Variants in KMT2C observed in about 807,000 individuals in gnomAD.
KMT2C encodes lysine methyltransferase 2C.
In KMT2C, 88 loss-of-function variants were observed where a neutral mutation model predicts 507.9. The observed-to-expected ratio is 0.17, with a 90% CI of 0.15 to 0.21. KMT2C has a LOEUF of 0.21. Among genes scored for constraint, KMT2C ranks in the 10% least tolerant of loss-of-function variants. The probability of loss-of-function intolerance (pLI) is 1.00; values close to 1 mark genes in which losing one functional copy is unlikely to be tolerated. For synonymous variants in KMT2C, 2,049 were observed against 2,080.8 expected, an observed-to-expected ratio of 0.98 and a Z score of 0.42; for missense variants, 4,954 against 5,957.8, an observed-to-expected ratio of 0.83 and a Z score of 5.55.
chr7:152,333,506 C>G (rs1335435673), intron 2 of KMT2C, among the ~76,000 whole-genome samples: 1 of 152,164 alleles, frequency 6.6e-6, no homozygotes, highest in African/African-American at 2.4e-5. Flanking sequence ...GTCAACATCT[C>G]TAGCACTAAC....
At chr7:152,384,860 T>C (rs1427573940) in intron 1 of KMT2C, among the ~76,000 whole-genome samples, 1 of 152,382 alleles carries the variant, frequency 6.6e-6, no homozygotes, top group African/African-American at 2.4e-5. Context: ...TAAGAGGTGA[T>C]GGAAACTTTT....
At chr7:152,184,404 G>A (rs968746602) in intron 34 of KMT2C, among the ~76,000 whole-genome samples, 2 of 152,140 alleles carry the variant, frequency 1.3e-5, no homozygotes, top group Admixed American at 6.5e-5. Flanking sequence ...CAAGGATTTG[G>A]TTCCAGCTGA....
chr7:152,208,089 A>G (rs557565935), intron 23 of KMT2C, among the ~76,000 whole-genome samples: 1 of 152,304 alleles, frequency 6.6e-6, no homozygotes, highest in African/African-American at 2.4e-5. Flanking sequence ...CTCTCCAATC[A>G]GTTCTTTAAA....
chr7:152,163,036 G>A lies in KMT2C; in HGVS notation c.10541C>T (p.Ser3514Leu). The change falls in exon 43 of 59, where the codon TCA becomes TTA. Residue 3514 changes from serine to leucine, a missense_variant. Around this residue, in one of 29 missense-constraint regions of KMT2C, gnomAD observed 801 missense variants for 751.2 expected, o/e 1.07. Transcript: ENST00000262189. ...TNERRQVGPP[S>L]FVPDSPSIPV... is the part of the protein sequence containing the mutation. ...GATTGATGGTGAATCAGGAACAAATGAAGGAGGGCCTACCTGCCTTCGCTC... is the reference window on the plus strand; with the variant it reads ...GATTGATGGTGAATCAGGAACAAATAAAGGAGGGCCTACCTGCCTTCGCTC... 3.7e-6 allele frequency: 6 copies of A among 1,614,202 alleles called. No individual in the cohort carries two copies. The highest frequency in any genetic ancestry group is 5.1e-6 in the Non-Finnish European group (6 of 1,180,038).
chr7:152,364,922 C>G (rs992892774), intron 1 of KMT2C, among the ~76,000 whole-genome samples: 2 of 142,886 alleles, frequency 1.4e-5, no homozygotes, highest in Non-Finnish European at 3.0e-5. Context: ...ACAACAAAAT[C>G]TGAAACAGAC....
chr7:152,339,792 T>C (rs1010815514), intron 2 of KMT2C, among the ~76,000 whole-genome samples: 2 of 152,298 alleles, frequency 1.3e-5, no homozygotes, highest in African/African-American at 2.4e-5. Flanking sequence ...TGATGTTCGA[T>C]AGTTGCTTAA....
chr7:152,181,876 G>A lies in KMT2C; in HGVS notation c.5984C>T (p.Ala1995Val), dbSNP rs2129120476. 1 of 1,614,180 alleles carries A rather than the reference G, an allele frequency of 6.2e-7. No individual in the cohort carries two copies. Among genetic ancestry groups the A allele is most frequent in the Middle Eastern group, 1.6e-4 (1 of 6,062 alleles). The change falls in exon 36 of 59, where the codon GCA becomes GTA. Residue 1995 changes from alanine to valine, a missense_variant. Ala to Val is a moderately conservative substitution (Grantham distance 64). Around this residue, in one of 29 missense-constraint regions of KMT2C, gnomAD observed 1,689 missense variants for 1,654.3 expected, o/e 1.02. Coordinates refer to ENST00000262189, the MANE Select transcript of KMT2C (RefSeq NM_170606.3). ...SRSPVVSEQT[A>V]KGPIAAGTSD... ...GGTTCCAGCTGCTATAGGGCCTTTTGCAGTTTGTTCTGAAACTACAGGAGA... is the reference window on the plus strand; with the variant it reads ...GGTTCCAGCTGCTATAGGGCCTTTTACAGTTTGTTCTGAAACTACAGGAGA...
intron 1 of KMT2C, among the ~76,000 whole-genome samples, chr7:152,410,051 TC>T (rs903691400): frequency 2.6e-5 from 4 of 152,256 alleles, no homozygotes; most frequent in African/African-American, 9.6e-5. Flanking sequence ...AACTTCCAAA[TC>T]CAGAATATAA....
At chr7:152,145,375 C>A in intron 53 of KMT2C, 80 bp from the exon 54 acceptor site, 2 of 1,409,808 alleles carry the variant, frequency 1.4e-6, no homozygotes, top group Non-Finnish European at 9.7e-7. Flanking sequence ...AAAGGATGGC[C>A]CACGACAGAA....
intron 14 of KMT2C, among the ~76,000 whole-genome samples, chr7:152,240,355 C>T (rs2095359933): frequency 2.0e-5 from 3 of 152,254 alleles, no homozygotes; most frequent in Admixed American, 2.0e-4. Flanking sequence ...CAGCAGTCCA[C>T]CTGTGGATAT....
chr7:152,191,594 A>G (rs1271954991), intron 31 of KMT2C, among the ~76,000 whole-genome samples: 3 of 152,196 alleles, frequency 2.0e-5, no homozygotes, highest in Non-Finnish European at 4.4e-5. Context: ...TTGACACCAG[A>G]GCTACCTTAG....
intron 42 of KMT2C, 129 bp from the exon 43 acceptor site, chr7:152,163,955 T>G: frequency 1.3e-6 from 1 of 791,382 alleles, no homozygotes; most frequent in East Asian, 2.7e-5. Flanking sequence ...CATATTTTGC[T>G]TGGGTAACTG....
intron 29 of KMT2C, 77 bp downstream of exon 29, chr7:152,194,356 TTAAATTA>T: frequency 6.9e-7 from 1 of 1,452,374 alleles, no homozygotes. Context: ...TAATTAGAAG[TTAAATTA>T]TAACCATGCA....
chr7:152,374,693 G>A (rs1354745527), intron 1 of KMT2C, among the ~76,000 whole-genome samples: 1 of 151,920 alleles, frequency 6.6e-6, no homozygotes, highest in Non-Finnish European at 1.5e-5. Flanking sequence ...AAGGTCAGGA[G>A]TTCCAGACCA....
intron 38 of KMT2C, among the ~76,000 whole-genome samples, chr7:152,174,610 A>G (rs1310262222): frequency 3.9e-5 from 6 of 152,256 alleles, no homozygotes; most frequent in Admixed American, 2.6e-4. Context: ...TAAATTAGTT[A>G]TCACTCTTAA....
chr7:152,354,065 A>G (rs544209023), intron 2 of KMT2C, among the ~76,000 whole-genome samples: 1 of 152,290 alleles, frequency 6.6e-6, no homozygotes, highest in Admixed American at 6.5e-5. Flanking sequence ...AGAAGTGGAC[A>G]ATGGACTTTC....
chr7:152,237,505 T>G (rs1411595782), intron 15 of KMT2C, among the ~76,000 whole-genome samples: 21 of 152,164 alleles, frequency 1.4e-4, no homozygotes, highest in African/African-American at 4.8e-4. Flanking sequence ...TTTTTTTGTT[T>G]GTTTATTTTT....
intron 1 of KMT2C, among the ~76,000 whole-genome samples, chr7:152,371,776 G>C (rs774133181): frequency 9.2e-5 from 14 of 152,024 alleles, no homozygotes; most frequent in Middle Eastern, 3.4e-3. Flanking sequence ...ACCACACCTG[G>C]CTAATTTTTG....
Position 152,265,174 on chromosome 7 carries a change from G to A in KMT2C, c.1048C>T (p.Pro350Ser), listed in dbSNP as rs2129173570. ...EDANCAVCDS[P>S]GDLLDQFFCT... Reference sequence around the variant, plus strand: ...AAGAACTGATCTAAGAGGTCTCCCGGGCTGTCGCACACTGCACAGTTTGCA... The same window carrying A: ...AAGAACTGATCTAAGAGGTCTCCCGAGCTGTCGCACACTGCACAGTTTGCA... The change falls in exon 8 of 59, where the codon CCG becomes TCG. Residue 350 changes from proline to serine, a missense_variant. This residue lies in a region of KMT2C where 2 missense variants were observed against 75.2 expected (regional missense o/e 0.03). Transcript: ENST00000262189. 1 of 1,613,850 alleles carries A rather than the reference G, an allele frequency of 6.2e-7. No homozygotes were observed. Among genetic ancestry groups the A allele is most frequent in the Non-Finnish European group, 8.5e-7 (1 of 1,179,752 alleles).
Sources: allele counts gnomAD v4.1 joint callset (sites outside exome capture counted in the v4.1 genomes callset), GRCh38; gene constraint gnomAD v4.1.1; regional missense constraint gnomAD v4.1.1; transcripts MANE v1.5; gene names NCBI Gene and HGNC (gene_info 2026-07-23, HGNC 2026-07-21).